The following STAG1 variants were observed in gnomAD, a reference collection of about 807,000 sequenced individuals.
STAG1 encodes cohesin subunit SA-1.
STAG1 carries 26 observed loss-of-function variants against 170.9 expected under a neutral mutation model. That is an observed-to-expected ratio of 0.15 (90% CI 0.11 to 0.21). The LOEUF (loss-of-function observed/expected upper bound fraction) is 0.21, where lower values mean the gene tolerates loss of function less well. STAG1 is among the 10% of genes least tolerant of loss of function. The pLI, the probability that STAG1 is intolerant of heterozygous loss-of-function variation, is 1.00. For missense variants in STAG1, 964 were observed against 1,509.5 expected (o/e 0.64, Z 5.99); for synonymous variants, 514 against 497.7 (o/e 1.03, Z -0.44).
chr3:136,404,803 T>G (rs2087428812), intron 21 of STAG1, among the ~76,000 whole-genome samples: 1 of 152,076 alleles, frequency 6.6e-6, no homozygotes, highest in Non-Finnish European at 1.5e-5. Context: ...TGAGTTTACC[T>G]GGAAAACAAA....
At chr3:136,339,015 A>G (rs995502279) in intron 32 of STAG1, among the ~76,000 whole-genome samples, 2 of 152,248 alleles carry the variant, frequency 1.3e-5, no homozygotes, top group Non-Finnish European at 2.9e-5. Flanking sequence ...ACCTCAGAAC[A>G]TGCCAGTATT....
intron 6 of STAG1, among the ~76,000 whole-genome samples, chr3:136,532,052 T>TA (rs1218726440): frequency 1.3e-5 from 2 of 148,594 alleles, no homozygotes; most frequent in Non-Finnish European, 3.0e-5. Context: ...AAATTAAAAC[T>TA]AAAAAAAATA....
intron 1 of STAG1, among the ~76,000 whole-genome samples, chr3:136,708,281 G>C (rs1439742591): frequency 6.6e-6 from 1 of 152,012 alleles, no homozygotes; most frequent in Non-Finnish European, 1.5e-5. Context: ...ACATACAATT[G>C]AATGTTATTT....
At chr3:136,580,780 G>A (rs1190568206) in intron 4 of STAG1, among the ~76,000 whole-genome samples, 4 of 151,632 alleles carry the variant, frequency 2.6e-5, no homozygotes, top group South Asian at 4.2e-4. Flanking sequence ...TGATCCACCC[G>A]CCTCGGCCTC....
chr3:136,535,454 G>A (rs868011378), intron 6 of STAG1, among the ~76,000 whole-genome samples: 1 of 152,364 alleles, frequency 6.6e-6, no homozygotes, highest in South Asian at 2.1e-4. Context: ...CTTGAGGACA[G>A]GAGTTCAAGA....
intron 3 of STAG1, among the ~76,000 whole-genome samples, chr3:136,614,538 T>C (rs908533967): frequency 2.0e-5 from 3 of 152,246 alleles, no homozygotes; most frequent in African/African-American, 4.8e-5. Context: ...TACATATACA[T>C]AGGAAGTCAT....
intron 5 of STAG1, among the ~76,000 whole-genome samples, chr3:136,557,644 G>C (rs1936680050): frequency 6.6e-6 from 1 of 152,164 alleles, no homozygotes; most frequent in Admixed American, 6.5e-5. Flanking sequence ...CCAGGTTCAA[G>C]CAATTCTCCT....
intron 7 of STAG1, among the ~76,000 whole-genome samples, chr3:136,518,633 A>G (rs893388044): frequency 1.3e-5 from 2 of 152,138 alleles, no homozygotes; most frequent in Admixed American, 6.5e-5. Flanking sequence ...GGAAGATATA[A>G]CCATTAATTA....
intron 2 of STAG1, among the ~76,000 whole-genome samples, chr3:136,629,838 G>A (rs1328015089): frequency 6.6e-6 from 1 of 152,148 alleles, no homozygotes; most frequent in Non-Finnish European, 1.5e-5. Context: ...CTTGCATCAT[G>A]ATAAAAGCTA....
intron 6 of STAG1, among the ~76,000 whole-genome samples, chr3:136,533,579 G>A (rs1441034572): frequency 6.6e-6 from 1 of 152,090 alleles, no homozygotes; most frequent in Non-Finnish European, 1.5e-5. Flanking sequence ...GTGAGAGAAG[G>A]AGCAAGGGGG....
intron 1 of STAG1, among the ~76,000 whole-genome samples, chr3:136,715,640 G>C (rs1943520821): frequency 6.6e-6 from 1 of 151,780 alleles, no homozygotes; most frequent in African/African-American, 2.4e-5. Context: ...AAATTTTTAA[G>C]CAGTATATTT....
At chr3:136,575,662 T>C (rs1482753516) in intron 4 of STAG1, among the ~76,000 whole-genome samples, 2 of 152,226 alleles carry the variant, frequency 1.3e-5, no homozygotes, top group Middle Eastern at 3.2e-3. Flanking sequence ...TCACAGATTA[T>C]AGACACACAA....
chr3:136,727,111 A>G (rs1933729737), intron 1 of STAG1, among the ~76,000 whole-genome samples: 1 of 152,108 alleles, frequency 6.6e-6, no homozygotes, highest in African/African-American at 2.4e-5. Context: ...CTTCATAGAC[A>G]GCATTCATCA....
At chr3:136,412,041 A>C (rs2087638858) in intron 21 of STAG1, among the ~76,000 whole-genome samples, 1 of 152,092 alleles carries the variant, frequency 6.6e-6, no homozygotes, top group Admixed American at 6.5e-5. Flanking sequence ...CAAACAAACA[A>C]ACAAAATCTA....
At chr3:136,415,671 C>T (rs1391943467) in intron 21 of STAG1, among the ~76,000 whole-genome samples, 2 of 152,078 alleles carry the variant, frequency 1.3e-5, no homozygotes, top group African/African-American at 4.8e-5. Flanking sequence ...ACCTCGTCTC[C>T]ACTAAAACCC....
At chr3:136,464,172 C>A (rs2089377278) in intron 13 of STAG1, among the ~76,000 whole-genome samples, 2 of 151,634 alleles carry the variant, frequency 1.3e-5, no homozygotes, top group African/African-American at 4.8e-5. Context: ...GCCTGTAATC[C>A]CAGCAGTTTG....
At chr3:136,591,259 G>A (rs1576641526) in intron 4 of STAG1, among the ~76,000 whole-genome samples, 1 of 147,432 alleles carries the variant, frequency 6.8e-6, no homozygotes. Context: ...GAGGAAGGGA[G>A]GAGGGAGGAG....
At chr3:136,427,907 G>A (rs2088180323) in intron 16 of STAG1, among the ~76,000 whole-genome samples, 1 of 152,174 alleles carries the variant, frequency 6.6e-6, no homozygotes, top group South Asian at 2.1e-4. Context: ...GCAAAGGATA[G>A]TTTGATAATT....
At chr3:136,411,518 AATG>A (rs2087623459) in intron 21 of STAG1, among the ~76,000 whole-genome samples, 1 of 152,232 alleles carries the variant, frequency 6.6e-6, no homozygotes, top group Admixed American at 6.5e-5. Context: ...TTCACAAGCT[AATG>A]ATTATTGTTG....
Sources: gnomAD v4.1 joint callset for allele counts (sites outside exome capture counted in the v4.1 genomes callset) on GRCh38, gnomAD v4.1.1 for gene constraint, MANE v1.5 for transcripts, NCBI Gene and HGNC (gene_info 2026-07-23, HGNC 2026-07-21) for gene names.